CACNA1C: variants seen among roughly 807,000 people sequenced by gnomAD.
The protein encoded by CACNA1C is voltage-dependent L-type calcium channel subunit alpha-1C.
In CACNA1C, 30 loss-of-function variants were observed where a neutral mutation model predicts 229.0. That is an observed-to-expected ratio of 0.13 (90% CI 0.10 to 0.18). CACNA1C has a LOEUF of 0.18. Ranked by LOEUF, CACNA1C falls within the 10% of genes least tolerant of loss-of-function variation. The probability of loss-of-function intolerance (pLI) is 1.00; values close to 1 mark genes in which losing one functional copy is unlikely to be tolerated. For synonymous variants in CACNA1C, 1,114 were observed against 1,132.5 expected (o/e 0.98, Z 0.33); for missense variants, 1,658 against 2,845.0 (o/e 0.58, Z 9.49).
chr12:2,407,646 CGTCCTG>C (rs2098753388), intron 3 of CACNA1C, among the ~76,000 whole-genome samples: 2 of 68,156 alleles, frequency 2.9e-5, no homozygotes, highest in African/African-American at 4.9e-5. Flanking sequence ...TGATAATAGC[CGTCCTG>C]ATAAGTGTGC....
chr12:2,334,003 C>CGATGCTG (rs1488494531), intron 3 of CACNA1C, among the ~76,000 whole-genome samples: 1 of 152,162 alleles, frequency 6.6e-6, no homozygotes, highest in African/African-American at 2.4e-5. Context: ...GCAAACAGTA[C>CGATGCTG]GATGCTGGGC....
At chr12:2,565,274 C>T (rs957244281) in intron 11 of CACNA1C, among the ~76,000 whole-genome samples, 1 of 151,584 alleles carries the variant, frequency 6.6e-6, no homozygotes, top group Non-Finnish European at 1.5e-5. Context: ...CGAGACCATC[C>T]TGGCTAACAA....
chr12:2,139,708 C>T (rs2093948021), intron 3 of CACNA1C, among the ~76,000 whole-genome samples: 1 of 151,258 alleles, frequency 6.6e-6, no homozygotes, highest in Admixed American at 6.6e-5. Context: ...CCCTGAGGTC[C>T]TCCAGTTATA....
rs1603449051 is a variant in CACNA1C at position 2,677,282 on chromosome 12, A to G, written c.4956+61A>G. ...GTCCTGGTCATTGCCTCTGACCTCC[A>G]GTCAGGGTCCCGGTCCCTCCCCAGC... On this transcript the variant is annotated intron_variant, in intron 40 of 46. Transcript: ENST00000399655. This position sits in a 1 kb window ranked among gnomAD's most constrained non-coding sequence, Gnocchi z 7.4. 3.8e-6 allele frequency: 6 copies of G among 1,576,128 alleles called. No homozygotes were observed. In the East Asian group the frequency reaches 1.4e-4, roughly 36 times the overall value.
At chr12:2,551,171 C>T (rs2099901263) in intron 10 of CACNA1C, among the ~76,000 whole-genome samples, 1 of 152,084 alleles carries the variant, frequency 6.6e-6, no homozygotes, top group Non-Finnish European at 1.5e-5. Context: ...TGTCTTGCCA[C>T]CAAGACGAGG....
At chr12:2,584,040 C>T (rs1248122570) in intron 15 of CACNA1C, among the ~76,000 whole-genome samples, 1 of 152,236 alleles carries the variant, frequency 6.6e-6, no homozygotes, top group African/African-American at 2.4e-5. Context: ...CAGATGGACC[C>T]TCCAAGGGTC....
chr12:2,604,925 A>G (rs1290271668), intron 22 of CACNA1C, among the ~76,000 whole-genome samples, 156 bp from the exon 23 acceptor site: 1 of 152,224 alleles, frequency 6.6e-6, no homozygotes, highest in Non-Finnish European at 1.5e-5. Flanking sequence ...AGACAGGAGT[A>G]GAGAGTGGTC....
chr12:2,634,582 C>T (rs1450156474), intron 30 of CACNA1C, among the ~76,000 whole-genome samples: 1 of 147,776 alleles, frequency 6.8e-6, no homozygotes, highest in African/African-American at 2.5e-5. Flanking sequence ...CTTTGGAACG[C>T]ATTAGGCCTT....
chr12:2,540,346 C>T (rs1022213960), intron 9 of CACNA1C, among the ~76,000 whole-genome samples: 4 of 152,108 alleles, frequency 2.6e-5, no homozygotes, highest in African/African-American at 9.7e-5. Context: ...TTAAAATTCT[C>T]ACCGACTCCG....
intron 3 of CACNA1C, among the ~76,000 whole-genome samples, chr12:2,384,159 T>C (rs1594822982): frequency 2.0e-5 from 3 of 152,320 alleles, no homozygotes; most frequent in South Asian, 4.2e-4. Flanking sequence ...AGAAACACTG[T>C]TGCACTCAAG....
At chr12:2,421,804 G>C (rs760770253) in intron 3 of CACNA1C, among the ~76,000 whole-genome samples, 1 of 152,038 alleles carries the variant, frequency 6.6e-6, no homozygotes, top group Non-Finnish European at 1.5e-5. Flanking sequence ...CCAGCTACTT[G>C]GGAGTCTGTG....
At chr12:2,638,706 C>T (rs1166988027) in intron 30 of CACNA1C, among the ~76,000 whole-genome samples, 1 of 152,142 alleles carries the variant, frequency 6.6e-6, no homozygotes. Context: ...AACAGTGTTT[C>T]CTGACAGACT....
rs543631720 is a variant in CACNA1C, at chr12:2,493,466, T to C, written c.1113+80T>C. The C allele has an allele frequency of 3.7e-6, 4 of 1,071,540 alleles. No individual in the cohort carries two copies. In the East Asian group the frequency reaches 9.6e-5, roughly 26 times the overall value. The allele number at this position is 1,071,540 out of a possible 1,614,324, so 66.4% of individuals were successfully genotyped here. ...TCCCTGACACCTCCCTTTCTCCTCC[T>C]CCCCATGGTCTTGGGGTCACATACG... On this transcript the variant is annotated intron_variant, in intron 7 of 46. Coordinates refer to ENST00000399655, the MANE Select transcript of CACNA1C (RefSeq NM_000719.7). This position sits in a 1 kb window ranked among gnomAD's most constrained non-coding sequence, Gnocchi z 4.6.
chr12:2,052,952 G>C (rs1248242754), upstream of CACNA1C: 7 of 976,382 alleles, frequency 7.2e-6, no homozygotes, highest in East Asian at 4.6e-4. Flanking sequence ...GGGCTGGGCC[G>C]GGGGGAGTGA....
At chr12:2,442,362 T>C (rs183410381) in intron 3 of CACNA1C, among the ~76,000 whole-genome samples, 40 of 151,970 alleles carry the variant, frequency 2.6e-4, no homozygotes, top group Middle Eastern at 6.8e-3. Context: ...GACCCCCCAG[T>C]TGCCAGTAGG....
At position 2,175,322 on chromosome 12, in the gene CACNA1C, C is replaced by G. The variant is rs1045978876; in HGVS notation, c.477+54892C>G. On this transcript the variant is annotated intron_variant, in intron 3 of 46. Coordinates refer to ENST00000399655, the MANE Select transcript of CACNA1C (RefSeq NM_000719.7). ...AAATCTCTTTTTATCTATGATTGTT[C>G]CCCCTCCCATTTTGCATGTCATTTG... 2.0e-5 allele frequency among the ~76,000 whole-genome samples: 3 copies of G among 152,240 alleles called. 1 individual carries two copies. The East Asian group carries it at 5.8e-4, about 29-fold the overall frequency.
chr12:2,005,236 A>G (rs948830840), intron 1 of CACNA1C, among the ~76,000 whole-genome samples: 11 of 152,180 alleles, frequency 7.2e-5, no homozygotes, highest in African/African-American at 2.7e-4. Context: ...TTGAAGCTTA[A>G]TCCTTGGGTA....
chr12:2,503,607 G>A (rs2099765331), intron 7 of CACNA1C, among the ~76,000 whole-genome samples: 1 of 152,150 alleles, frequency 6.6e-6, no homozygotes, highest in Non-Finnish European at 1.5e-5. Context: ...TTCCACCATG[G>A]TCAGTTTCAA....
chr12:2,069,571 A>T (rs4765885), intron 1 of CACNA1C, among the ~76,000 whole-genome samples: 36,126 of 152,106 alleles, frequency 0.24, 4,576 homozygotes, highest in African/African-American at 0.34. Context: ...TATGTTTTAG[A>T]TGTATTGTTA....
Sources: gnomAD v4.1 joint callset for allele counts (sites outside exome capture counted in the v4.1 genomes callset) on GRCh38, gnomAD v4.1.1 for gene constraint, Gnocchi (gnomAD v3.1) non-coding constraint, MANE v1.5 for transcripts, NCBI Gene and HGNC (gene_info 2026-07-23, HGNC 2026-07-21) for gene names.